Variants in TBC1D22A observed in about 807,000 individuals in gnomAD.
TBC1D22A encodes the protein putative GTPase activator.
TBC1D22A carries 38 observed loss-of-function variants against 60.2 expected under a neutral mutation model. The ratio of observed to expected loss-of-function variants is 0.63; its 90% confidence interval spans 0.49 to 0.83. The LOEUF (loss-of-function observed/expected upper bound fraction) is 0.83. TBC1D22A is among the 40% of genes least tolerant of loss of function. The pLI, the probability that TBC1D22A is intolerant of heterozygous loss-of-function variation, is 0.00. For synonymous variants in TBC1D22A, 302 were observed against 281.7 expected, an observed-to-expected ratio of 1.07 and a Z score of -0.72; for missense variants, 628 against 701.0, an observed-to-expected ratio of 0.90 and a Z score of 1.18.
chr22:46,840,697 T>A (rs535080708), intron 4 of TBC1D22A, among the ~76,000 whole-genome samples: 1 of 150,860 alleles, frequency 6.6e-6, no homozygotes, highest in Admixed American at 6.6e-5. Flanking sequence ...TGCGCCACTG[T>A]ACTCCAGCCT....
At chr22:46,768,035 G>T (rs1252489285) in intron 1 of TBC1D22A, 2 of 152,904 alleles carry the variant, frequency 1.3e-5, no homozygotes, top group African/African-American at 4.8e-5. Flanking sequence ...TTTGGCTGCT[G>T]TACTGAAGAC....
intron 11 of TBC1D22A, among the ~76,000 whole-genome samples, chr22:47,082,729 C>CT (rs2064521214): frequency 1.3e-5 from 2 of 152,206 alleles, no homozygotes; most frequent in Non-Finnish European, 2.9e-5. Context: ...ACTGACAACA[C>CT]TAAGTGCTGA....
intron 11 of TBC1D22A, among the ~76,000 whole-genome samples, chr22:47,077,708 G>A (rs906527282): frequency 6.6e-6 from 1 of 152,236 alleles, no homozygotes; most frequent in Non-Finnish European, 1.5e-5. Flanking sequence ...CGAAGGCTGC[G>A]GTGGCAGAAG....
intron 12 of TBC1D22A, among the ~76,000 whole-genome samples, chr22:47,138,047 C>A (rs2066938718): frequency 6.6e-6 from 1 of 152,178 alleles, no homozygotes; most frequent in African/African-American, 2.4e-5. Context: ...TCGTCAGTGC[C>A]ACTGTCACCT....
At chr22:46,822,563 A>G (rs542402973) in intron 4 of TBC1D22A, among the ~76,000 whole-genome samples, 1 of 152,266 alleles carries the variant, frequency 6.6e-6, no homozygotes, top group South Asian at 2.1e-4. Context: ...ATTCACTCCC[A>G]TGCCTAGAGA....
chr22:46,852,306 C>G (rs1255154570), intron 4 of TBC1D22A, among the ~76,000 whole-genome samples: 1 of 152,218 alleles, frequency 6.6e-6, no homozygotes, highest in African/African-American at 2.4e-5. Flanking sequence ...CCGCAGAGAA[C>G]TTTAGCACCT....
chr22:47,125,169 A>G (rs1264586768), intron 12 of TBC1D22A, among the ~76,000 whole-genome samples: 1 of 152,124 alleles, frequency 6.6e-6, no homozygotes, highest in Non-Finnish European at 1.5e-5. Context: ...CCGAGTCCCC[A>G]GGCTCCGGCA....
intron 8 of TBC1D22A, among the ~76,000 whole-genome samples, chr22:46,955,073 G>A (rs1453582469): frequency 5.9e-5 from 9 of 152,162 alleles, no homozygotes; most frequent in East Asian, 1.9e-4. Context: ...AGCGTATTTC[G>A]TGAGTCTAGT....
At chr22:46,961,155 G>A (rs1220627729) in intron 8 of TBC1D22A, among the ~76,000 whole-genome samples, 3 of 151,914 alleles carry the variant, frequency 2.0e-5, no homozygotes, top group African/African-American at 7.3e-5. Flanking sequence ...TTTATCCTAG[G>A]CAGCTTTCAT....
At position 46,762,656 on chromosome 22, in the gene TBC1D22A, G is replaced by A. The variant is rs972599832; in HGVS notation, c.-131G>A. ...ACAACTTCCGGAAGGAGGCGGAAGA[G>A]CTTCTCGGCTCTAGGCTCTGGAGTC... is the stretch of plus-strand genomic sequence containing the variant. On this transcript the variant is annotated 5_prime_UTR_variant, in exon 1 of 13. Coordinates refer to ENST00000337137, the MANE Select transcript of TBC1D22A (RefSeq NM_014346.5). The A allele has an allele frequency of 7.0e-6, 5 of 709,912 alleles. No individual in the cohort carries two copies. The Admixed American group carries it at 1.7e-4, about 24-fold the overall frequency. 44.0% of individuals were successfully genotyped at this position (709,912 alleles called of 1,614,324 possible). A position where few individuals can be genotyped will look rare whatever the true frequency, so the allele number is the denominator to read the frequency against.
chr22:46,935,870 C>T (rs191193395), intron 8 of TBC1D22A, among the ~76,000 whole-genome samples: 1 of 151,996 alleles, frequency 6.6e-6, no homozygotes, highest in South Asian at 2.1e-4. Flanking sequence ...GTCTCTGTAG[C>T]CTTTGCTGTC....
intron 12 of TBC1D22A, among the ~76,000 whole-genome samples, chr22:47,159,382 GAC>G (rs1313128823): frequency 7.8e-6 from 1 of 128,820 alleles, no homozygotes; most frequent in African/African-American, 3.3e-5. Context: ...TATACACACA[GAC>G]ACACCACACA....
At chr22:46,897,579 G>A (rs530576432) in intron 7 of TBC1D22A, among the ~76,000 whole-genome samples, 5 of 151,802 alleles carry the variant, frequency 3.3e-5, no homozygotes, top group Admixed American at 2.6e-4. Context: ...GAAGGCAGTA[G>A]CCTCTGGTCC....
At chr22:46,764,467 G>C (rs779372048) in intron 1 of TBC1D22A, among the ~76,000 whole-genome samples, 1 of 152,186 alleles carries the variant, frequency 6.6e-6, no homozygotes, top group African/African-American at 2.4e-5. Context: ...AATCAGCTTA[G>C]ATGTAAGAAT....
At position 46,762,909 on chromosome 22, in the gene TBC1D22A, GCCT is replaced by G. The variant is rs1018845122; in HGVS notation, c.62+65_62+67del. On this transcript the variant is annotated intron_variant, in intron 1 of 12. Transcript: ENST00000337137. ...GGTCAGAGGTCAGGTGGCCGCGTTG[GCCT>G]CCTGGGCTGCGGGTGGAGTCGGGGG... The G allele has an allele frequency of 2.2e-5, 32 of 1,431,202 alleles. 1 individual carries two copies. Among genetic ancestry groups the G allele is most frequent in the East Asian group, 6.0e-5 (2 of 33,170 alleles). 88.7% of individuals were successfully genotyped at this position (1,431,202 alleles called of 1,614,324 possible). A position where few individuals can be genotyped will look rare whatever the true frequency, so the allele number is the denominator to read the frequency against.
chr22:46,958,093 G>A (rs898537207), intron 8 of TBC1D22A, among the ~76,000 whole-genome samples: 1 of 152,160 alleles, frequency 6.6e-6, no homozygotes, highest in Non-Finnish European at 1.5e-5. Flanking sequence ...TGCAGGTCGG[G>A]GAGCAGTTAC....
chr22:47,141,618 G>A (rs2067088121), intron 12 of TBC1D22A, among the ~76,000 whole-genome samples: 1 of 152,178 alleles, frequency 6.6e-6, no homozygotes, highest in Non-Finnish European at 1.5e-5. Context: ...CTTCCGGAAG[G>A]CCCTCCCAAC....
At chr22:47,032,042 C>G (rs9615443) in intron 10 of TBC1D22A, among the ~76,000 whole-genome samples, 4,538 of 152,358 alleles carry the variant, frequency 0.03, 109 homozygotes, top group South Asian at 0.087. Flanking sequence ...AAGATGTCAC[C>G]TGCTTCCCAG....
At chr22:46,878,591 C>G in intron 4 of TBC1D22A, 62 bp from the exon 5 acceptor site, 1 of 1,441,274 alleles carries the variant, frequency 6.9e-7, no homozygotes, top group Non-Finnish European at 9.8e-7. Flanking sequence ...TGTTAAAGCA[C>G]TGGGGAGGTT....
Sources: gnomAD v4.1 joint callset for allele counts (sites outside exome capture counted in the v4.1 genomes callset) on GRCh38, gnomAD v4.1.1 for gene constraint, MANE v1.5 for transcripts, NCBI Gene and HGNC (gene_info 2026-07-23, HGNC 2026-07-21) for gene names.